The following RCOR1 variants were observed in gnomAD, a reference collection of about 807,000 sequenced individuals.
The protein encoded by RCOR1 is REST corepressor.
RCOR1 carries 12 observed loss-of-function variants against 64.0 expected under a neutral mutation model. The ratio of observed to expected loss-of-function variants is 0.19; its 90% CI spans 0.12 to 0.30. The LOEUF is 0.30. Ranked by LOEUF, RCOR1 falls within the 10% of genes least tolerant of loss-of-function variation. The probability of loss-of-function intolerance (pLI) is 1.00; values close to 1 mark genes in which losing one functional copy is unlikely to be tolerated. For synonymous variants in RCOR1, 279 were observed against 227.2 expected, an observed-to-expected ratio of 1.23 and a Z score of -2.05; for missense variants, 502 against 621.2, an observed-to-expected ratio of 0.81 and a Z score of 2.04.
At chr14:102,655,761 T>A (rs1372018076) in intron 2 of RCOR1, among the ~76,000 whole-genome samples, 1 of 152,102 alleles carries the variant, frequency 6.6e-6, no homozygotes, top group East Asian at 1.9e-4. Context: ...AAGACCAGCC[T>A]GGCCAACATG....
At chr14:102,625,452 C>T (rs1430377105) in intron 2 of RCOR1, among the ~76,000 whole-genome samples, 4 of 151,712 alleles carry the variant, frequency 2.6e-5, no homozygotes, top group Admixed American at 1.3e-4. Context: ...TCAGGCTTGT[C>T]TCGAACTCCT....
rs577220905 is a variant in RCOR1 at position 102,652,045 on chromosome 14, A to G, written c.362-29850A>G. 1.6e-3 allele frequency among the ~76,000 whole-genome samples: 237 copies of G among 152,292 alleles called. 1 individual carries two copies. The highest frequency in any genetic ancestry group is 2.5e-3 in the Non-Finnish European group (171 of 68,014). On this transcript the variant is annotated intron_variant, in intron 2 of 11. Transcript: ENST00000262241. ...GGAATGTTTTATTTTTGTTTATTTA[A>G]TTTGCTAAATCTGCTTTAGATATGA...
intron 3 of RCOR1, among the ~76,000 whole-genome samples, chr14:102,684,196 G>C (rs558787222): frequency 6.6e-6 from 1 of 152,316 alleles, no homozygotes; most frequent in East Asian, 1.9e-4. Flanking sequence ...TAGCAAACCC[G>C]TGGAAATGAC....
chr14:102,622,613 C>G (rs1893896807), intron 2 of RCOR1, among the ~76,000 whole-genome samples: 1 of 152,072 alleles, frequency 6.6e-6, no homozygotes, highest in Non-Finnish European at 1.5e-5. Context: ...TTCCCCTAAT[C>G]TTCAGTTTCT....
At chr14:102,656,702 A>C (rs1265070895) in intron 2 of RCOR1, among the ~76,000 whole-genome samples, 1 of 151,646 alleles carries the variant, frequency 6.6e-6, no homozygotes, top group Non-Finnish European at 1.5e-5. Flanking sequence ...CTTCTGACTC[A>C]AGCGATCTAC....
At chr14:102,666,062 A>G (rs1042456771) in intron 2 of RCOR1, among the ~76,000 whole-genome samples, 1 of 152,200 alleles carries the variant, frequency 6.6e-6, no homozygotes, top group African/African-American at 2.4e-5. Context: ...CTGGACTAGG[A>G]GAGTAAGCAG....
intron 2 of RCOR1, chr14:102,629,885 G>A (rs1345776106): frequency 9.4e-6 from 3 of 317,580 alleles, no homozygotes; most frequent in Non-Finnish European, 1.4e-5. Flanking sequence ...GAGCTTAAAC[G>A]TCTTGCTTGA....
intron 2 of RCOR1, among the ~76,000 whole-genome samples, chr14:102,622,652 A>C (rs1034640465): frequency 6.6e-6 from 1 of 151,352 alleles, no homozygotes; most frequent in South Asian, 2.1e-4. Context: ...CGCCCCACAC[A>C]TTCTTATTCT....
chr14:102,691,135 C>A (rs1489992403), intron 3 of RCOR1, among the ~76,000 whole-genome samples: 1 of 152,210 alleles, frequency 6.6e-6, no homozygotes, highest in Non-Finnish European at 1.5e-5. Flanking sequence ...CAAGTCCCTG[C>A]CCAAGTGTAG....
chr14:102,618,298 T>C (rs1472352304), intron 2 of RCOR1, among the ~76,000 whole-genome samples: 3 of 152,004 alleles, frequency 2.0e-5, no homozygotes, highest in African/African-American at 7.2e-5. Context: ...CATATTTGTT[T>C]CATCAGTATA....
At chr14:102,603,154 A>G (rs1275746366) in intron 2 of RCOR1, among the ~76,000 whole-genome samples, 1 of 150,094 alleles carries the variant, frequency 6.7e-6, no homozygotes, top group Non-Finnish European at 1.5e-5. Context: ...ATCATAGCGT[A>G]CTGTAGCCTT....
chr14:102,657,290 CT>C, intron 2 of RCOR1: 2 of 985,218 alleles, frequency 2.0e-6, no homozygotes, highest in Middle Eastern at 5.2e-4. Flanking sequence ...TTGGTGAGTC[CT>C]TTTAGGCGAT....
chr14:102,620,483 C>G (rs955096303), intron 2 of RCOR1, among the ~76,000 whole-genome samples: 2 of 152,202 alleles, frequency 1.3e-5, no homozygotes, highest in South Asian at 2.1e-4. Flanking sequence ...AGGAGAATCA[C>G]TTGAACCCGG....
chr14:102,694,785 G>A (rs1895610825), intron 3 of RCOR1, among the ~76,000 whole-genome samples: 1 of 152,124 alleles, frequency 6.6e-6, no homozygotes, highest in Admixed American at 6.6e-5. Flanking sequence ...TTGATTCTCA[G>A]CGAGGTGTGA....
chr14:102,597,628 CTTTTTT>C (rs57656879), intron 2 of RCOR1, among the ~76,000 whole-genome samples: 3 of 44,950 alleles, frequency 6.7e-5, no homozygotes, highest in Admixed American at 3.8e-4. Context: ...TGCGCCCGAC[CTTTTTT>C]TTTTTTTTTT....
At chr14:102,615,792 T>A (rs74082438) in intron 2 of RCOR1, among the ~76,000 whole-genome samples, 19,319 of 152,206 alleles carry the variant, frequency 0.13, 1,485 homozygotes, top group African/African-American at 0.21. Flanking sequence ...ATTAAACAAG[T>A]TTGAAAATCA....
intron 3 of RCOR1, among the ~76,000 whole-genome samples, chr14:102,692,017 G>T (rs1456869056): frequency 1.3e-5 from 2 of 152,174 alleles, no homozygotes; most frequent in African/African-American, 2.4e-5. Context: ...GAATTTATTT[G>T]CTCCACATCC....
At chr14:102,603,974 T>C (rs1446233343) in intron 2 of RCOR1, among the ~76,000 whole-genome samples, 1 of 152,190 alleles carries the variant, frequency 6.6e-6, no homozygotes. Flanking sequence ...TCTTTAATAT[T>C]ATGTGTGTTG....
At chr14:102,628,520 A>G (rs917114026) in intron 2 of RCOR1, among the ~76,000 whole-genome samples, 12 of 148,820 alleles carry the variant, frequency 8.1e-5, no homozygotes, top group Non-Finnish European at 1.2e-4. Flanking sequence ...TCTGTTGCCC[A>G]GTGACTCACT....
Sources: gnomAD v4.1 joint callset for allele counts (sites outside exome capture counted in the v4.1 genomes callset) on GRCh38, gnomAD v4.1.1 for gene constraint, MANE v1.5 for transcripts, NCBI Gene and HGNC (gene_info 2026-07-23, HGNC 2026-07-21) for gene names.